OGFR: variants seen among roughly 807,000 people sequenced by gnomAD.
The protein encoded by OGFR is opioid growth factor receptor, also known as protein 7-60.
A neutral mutation model predicts 33.6 loss-of-function variants in OGFR; 18 were observed. The observed-to-expected ratio is 0.54, with a 90% CI of 0.37 to 0.80. The LOEUF is 0.80. Among genes scored for constraint, OGFR ranks in the 30% least tolerant of loss-of-function variants. OGFR has a pLI of 0.00. For synonymous variants in OGFR, 370 were observed against 400.7 expected (o/e 0.92, Z 0.91); for missense variants, 877 against 955.8 (o/e 0.92, Z 1.09).
chr20:62,807,495 G>A (rs1304097684), intron 1 of OGFR, 42 bp from the exon 2 acceptor site: 6 of 1,580,932 alleles, frequency 3.8e-6, no homozygotes, highest in Non-Finnish European at 5.2e-6. Context: ...CTCACTTGGG[G>A]GTCTCCCATG....
chr20:62,807,304 G>A, intron 1 of OGFR: 2 of 569,766 alleles, frequency 3.5e-6, no homozygotes, highest in Non-Finnish European at 6.3e-6. Flanking sequence ...GGCTACCGCA[G>A]CCCTCTCTGG....
In OGFR at chr20:62,812,657, C is replaced by G. The variant is rs182552599; in HGVS notation, c.1042C>G (p.Arg348Gly). The G allele has an allele frequency of 6.4e-7, 1 of 1,563,384 alleles. No individual in the cohort carries two copies. Among genetic ancestry groups the G allele is most frequent in the Non-Finnish European group, 8.7e-7 (1 of 1,154,616 alleles). The change falls in exon 7 of 7, where the codon CGG (arginine) becomes GGG (glycine). Residue 348 changes from arginine (R) to glycine (G), a missense_variant. By Grantham distance (125) the Arg-to-Gly change is moderately radical (BLOSUM62 -2). Transcript: ENST00000290291. The part of the protein sequence containing the change: ...GGRVDEGPQP[R>G]SVEPQDAGPL... ...CAGGGTGGACGAGGGGCCCCAGCCA[C>G]GGAGCGTGGAGCCCCAGGATGCGGG...
intron 1 of OGFR, 75 bp from the exon 2 acceptor site, chr20:62,807,462 C>T: frequency 7.3e-7 from 1 of 1,366,814 alleles, no homozygotes; most frequent in Non-Finnish European, 1.0e-6. Context: ...GGCCCAGGCC[C>T]TGCAGCCCTC....
chr20:62,808,924 G>A lies in OGFR; in HGVS notation c.319+599G>A, dbSNP rs188007107. Reference sequence around the variant, plus strand: ...TGGGAGGTGGAGGTTGCAGTGAGCCGAGATCTCGCCACTGCCCTCCAGCCT... The same window carrying A: ...TGGGAGGTGGAGGTTGCAGTGAGCCAAGATCTCGCCACTGCCCTCCAGCCT... On this transcript the variant is annotated intron_variant, in intron 3 of 6. Transcript: ENST00000290291. Among the ~76,000 whole-genome samples, 800 of 128,580 alleles carry A rather than the reference G, an allele frequency of 6.2e-3. 6 individuals are homozygous for A. The highest frequency in any genetic ancestry group is 0.022 in the African/African-American group (758 of 34,086). The allele number at this position is 128,580 out of a possible 152,430, so 84.4% of individuals were successfully genotyped here.
At position 62,812,998 on chromosome 20, in the gene OGFR, G is replaced by A. The variant is rs1322141115; in HGVS notation, c.1383G>A (p.Val461=). Residue 461 remains valine, a synonymous_variant, in exon 7 of 7, where the codon GTG becomes GTA. Transcript: ENST00000290291. The stretch of plus-strand genomic sequence containing the variant: ...ACAAGGTGAGGAAGCGGAGGAAGGT[G>A]GATGAGGGTGCTGGGGACAGTGCTG... The part of the protein sequence containing the change: ...VADKVRKRRK[V]DEGAGDSAAV... The A allele has an allele frequency of 1.9e-6, 3 of 1,610,748 alleles. No homozygotes were observed. Among genetic ancestry groups the A allele is most frequent in the Non-Finnish European group, 2.5e-6 (3 of 1,179,062 alleles).
At position 62,805,392 on chromosome 20, in the gene OGFR, C is replaced by G. The variant is rs1990565441; in HGVS notation, c.171+362C>G. 7 of 154,486 alleles carry G rather than the reference C, an allele frequency of 4.5e-5. No homozygotes were observed. In the South Asian group the frequency reaches 1.2e-3, roughly 27 times the overall value. The allele number at this position is 154,486 out of a possible 1,614,324, so 9.6% of individuals were successfully genotyped here. A position where few individuals can be genotyped will look rare whatever the true frequency, so the allele number is the denominator to read the frequency against. ...GGCGGCCCCTGCGCAGGCCCCGCGG[C>G]CTGGGGCTGGGGCTGGGGCTGGGGC... is the stretch of plus-strand genomic sequence containing the variant. On this transcript the variant is annotated intron_variant, in intron 1 of 6. Transcript: ENST00000290291.
At chr20:62,805,156 G>GA in intron 1 of OGFR, 126 bp downstream of exon 1, 1 of 691,660 alleles carries the variant, frequency 1.4e-6, no homozygotes, top group Non-Finnish European at 2.0e-6. Flanking sequence ...CAGCCCCGGG[G>GA]ACCCCCCCCC....
Position 62,811,551 on chromosome 20 carries a change from A to AGGCACG in OGFR, c.563_568dup (p.Gly188_Thr189dup), listed in dbSNP as rs1194235310. 6.2e-7 allele frequency: 1 copy of AGGCACG among 1,607,128 alleles called. No homozygotes were observed. The highest frequency in any genetic ancestry group is 1.7e-5 in the Admixed American group (1 of 59,332). ...TCTACGGGATCCGGCTGGAGGACCGAGGCACGGGCACGGTGGGCCGAGCAC... is the reference window on the plus strand; with the variant it reads ...TCTACGGGATCCGGCTGGAGGACCGAGGCACGGGCACGGGCACGGTGGGCCGAGCAC... On this transcript the variant is annotated inframe_insertion, in exon 6 of 7. Coordinates refer to ENST00000290291, the MANE Select transcript of OGFR (RefSeq NM_007346.4).
At chr20:62,808,181 C>T (rs754569773) in intron 2 of OGFR, 66 bp from the exon 3 acceptor site, 4 of 1,277,190 alleles carry the variant, frequency 3.1e-6, no homozygotes, top group Non-Finnish European at 4.6e-6. Context: ...CCCCGAAAGA[C>T]ACGGAGGGCC....
In OGFR at chr20:62,808,313, T is replaced by C; in HGVS notation, c.307T>C (p.Phe103Leu). The change falls in exon 3 of 7, where the codon TTC becomes CTC. Residue 103 changes from phenylalanine to leucine, a missense_variant. Physicochemically the swap from Phe to Leu is conservative, Grantham distance 22. This residue lies in a region of OGFR where 760 missense variants were observed against 736.0 expected (regional missense o/e 1.03). Coordinates refer to ENST00000290291, the MANE Select transcript of OGFR (RefSeq NM_007346.4). ...GAGTTTCTACAGAAATGAGATCCGC[T>C]TCCTGCCCAACGGTAGGTGCCTCAC... ...NLSFYRNEIR[F>L]LPNGCFIEDI... 6.2e-7 allele frequency: 1 copy of C among 1,613,102 alleles called. No individual in the cohort carries two copies. The highest frequency in any genetic ancestry group is 8.5e-7 in the Non-Finnish European group (1 of 1,179,662).
At chr20:62,810,360 C>G in intron 4 of OGFR, 139 bp from the exon 5 acceptor site, 1 of 749,420 alleles carries the variant, frequency 1.3e-6, no homozygotes, top group Non-Finnish European at 2.3e-6. Context: ...CCTCGCTCCT[C>G]CACCTAGCCA....
intron 6 of OGFR, 63 bp from the exon 7 acceptor site, chr20:62,812,164 GGGC>G: frequency 7.2e-7 from 1 of 1,392,038 alleles, no homozygotes; most frequent in Non-Finnish European, 9.5e-7. Flanking sequence ...GGGCAGGCCA[GGGC>G]GGGGTGCGGC....
intron 5 of OGFR, 108 bp downstream of exon 5, chr20:62,810,673 C>A: frequency 9.8e-7 from 1 of 1,021,110 alleles, no homozygotes; most frequent in South Asian, 1.3e-5. Flanking sequence ...GGTGCCCCCT[C>A]AGGGGTCCCT....
At chr20:62,810,440 TGC>T in intron 4 of OGFR, 57 bp from the exon 5 acceptor site, 1 of 1,562,978 alleles carries the variant, frequency 6.4e-7, no homozygotes, top group Non-Finnish European at 8.8e-7. Flanking sequence ...AGCGAGCACC[TGC>T]CCAAGGTCTG....
rs1990781698 is a variant in OGFR at position 62,813,223 on chromosome 20, G to A, written c.1608G>A (p.Glu536=). Residue 536 remains glutamate, a synonymous_variant, in exon 7 of 7, where the codon GAG becomes GAA. Coordinates refer to ENST00000290291, the MANE Select transcript of OGFR (RefSeq NM_007346.4). ...PAGPAGDEPA[E]SPSETPGPRP... ...GACCTGCAGGGGACGAGCCAGCCGA[G>A]AGCCCATCGGAGACCCCAGGCCCCC... 6.4e-7 allele frequency: 1 copy of A among 1,561,058 alleles called. No individual in the cohort carries two copies. Among genetic ancestry groups the A allele is most frequent in the Non-Finnish European group, 8.7e-7 (1 of 1,147,322 alleles).
intron 2 of OGFR, chr20:62,807,902 C>T (rs1023932287): frequency 1.7e-5 from 10 of 599,188 alleles, no homozygotes; most frequent in African/African-American, 1.5e-4. Flanking sequence ...ATACCGCCCA[C>T]ACAGCACCCC....
rs1433816658 is a variant in OGFR, at chr20:62,812,391, T to C, written c.776T>C (p.Phe259Ser). The change falls in exon 7 of 7, where the codon TTC becomes TCC. Residue 259 changes from phenylalanine to serine, a missense_variant. Physicochemically the swap from Phe to Ser is radical, Grantham distance 155. Transcript: ENST00000290291. ...CAGAGTGCCCTGGACTACTTCATGT[T>C]CGCCGTGCGCTGCCGACACCAGCGC... is the stretch of plus-strand genomic sequence containing the variant. Reference protein sequence around the residue: ...VRQSALDYFMFAVRCRHQRRQ... With the variant: ...VRQSALDYFMSAVRCRHQRRQ... 8 of 1,580,662 alleles carry C rather than the reference T, an allele frequency of 5.1e-6. No individual in the cohort carries two copies. Among genetic ancestry groups the C allele is most frequent in the Non-Finnish European group, 6.9e-6 (8 of 1,164,910 alleles).
intron 2 of OGFR, 29 bp downstream of exon 2, chr20:62,807,634 A>G (rs899887561): frequency 1.5e-5 from 24 of 1,603,134 alleles, no homozygotes; most frequent in Non-Finnish European, 2.0e-5. Context: ...CCCGGGACAC[A>G]GAACCCTCCC....
chr20:62,813,752 G>A lies in OGFR; in HGVS notation c.*103G>A, dbSNP rs929478197. On this transcript the variant is annotated 3_prime_UTR_variant, in exon 7 of 7. Transcript: ENST00000290291. ...CCCCTCAGGCTCTGCTTCGTGACCC[G>A]TGACCCATGACCCACAGTGCTGGCC... 79 of 1,384,908 alleles carry A rather than the reference G, an allele frequency of 5.7e-5. No individual in the cohort carries two copies. Among genetic ancestry groups the A allele is most frequent in the Admixed American group, 2.8e-4 (16 of 57,150 alleles). 85.8% of individuals were successfully genotyped at this position (1,384,908 alleles called of 1,614,324 possible).
Sources: allele counts gnomAD v4.1 joint callset (sites outside exome capture counted in the v4.1 genomes callset), GRCh38; gene constraint gnomAD v4.1.1; regional missense constraint gnomAD v4.1.1; transcripts MANE v1.5; gene names NCBI Gene and HGNC (gene_info 2026-07-23, HGNC 2026-07-21).